Variants in SLC5A4 observed in about 807,000 individuals in gnomAD.
SLC5A4 encodes solute carrier family 5 member 4.
Under a neutral mutation model 70.3 loss-of-function variants are expected in SLC5A4, and 55 were observed. The ratio of observed to expected loss-of-function variants is 0.78; its 90% CI spans 0.63 to 0.98. The LOEUF is 0.98. SLC5A4 is among the 50% of genes least tolerant of loss of function. SLC5A4 has a pLI of 0.00. For synonymous variants in SLC5A4, 268 were observed against 305.7 expected (o/e 0.88, Z 1.29); for missense variants, 735 against 839.2 (o/e 0.88, Z 1.53).
the SLC5A4 span, among the ~76,000 whole-genome samples, chr22:32,324,746 A>G: frequency 6.6e-6 from 1 of 151,282 alleles, no homozygotes; most frequent in East Asian, 1.9e-4. Context: ...CAAGTCATTA[A>G]CCTCTCTGGG....
the SLC5A4 span, among the ~76,000 whole-genome samples, chr22:32,341,435 C>T: frequency 6.6e-6 from 1 of 152,340 alleles, no homozygotes; most frequent in Admixed American, 6.5e-5. Flanking sequence ...CTATGCTGCC[C>T]TCTCTGCCGG....
At chr22:32,307,065 G>GT in the SLC5A4 span, among the ~76,000 whole-genome samples, 6 of 152,094 alleles carry the variant, frequency 3.9e-5, no homozygotes, top group Non-Finnish European at 8.8e-5. Flanking sequence ...GTACCTCATT[G>GT]TACCAACCCA....
chr22:32,224,404 T>C lies in SLC5A4; in HGVS notation c.1528A>G (p.Ser510Gly). 1 of 1,614,018 alleles carries C rather than the reference T, an allele frequency of 6.2e-7. No individual in the cohort carries two copies. Among genetic ancestry groups the C allele is most frequent in the South Asian group, 1.1e-5 (1 of 91,074 alleles). Reference sequence around the variant, plus strand: ...GGACAGTTACTGGGAGCCAAGCAACTCCCTGTTCCATAAGCAAACTCTGTT... The same window carrying C: ...GGACAGTTACTGGGAGCCAAGCAACCCCCTGTTCCATAAGCAAACTCTGTT... ...MITEFAYGTG[S>G]CLAPSNCPKI... Residue 510 changes from serine to glycine, a missense_variant, in exon 13 of 15, where the codon AGT becomes GGT. Transcript: ENST00000266086.
the SLC5A4 span, among the ~76,000 whole-genome samples, chr22:32,307,302 G>A: frequency 6.6e-4 from 101 of 152,284 alleles, no homozygotes; most frequent in African/African-American, 2.3e-3. Flanking sequence ...CATTTATCTA[G>A]CATCAGCTGT....
chr22:32,268,860 G>A, the SLC5A4 span, among the ~76,000 whole-genome samples: 3 of 152,242 alleles, frequency 2.0e-5, no homozygotes, highest in East Asian at 5.8e-4. Flanking sequence ...ATAATAATTT[G>A]GGATATACAG....
intron 13 of SLC5A4, among the ~76,000 whole-genome samples, chr22:32,221,700 C>T (rs982943103): frequency 2.6e-5 from 4 of 151,800 alleles, no homozygotes; most frequent in Non-Finnish European, 5.9e-5. Flanking sequence ...AATATCAGCC[C>T]TGGGTCATTC....
At position 32,218,468 on chromosome 22, in the gene SLC5A4, G is replaced by A. The variant is rs772007706; in HGVS notation, c.*46C>T. ...TTAAAATCACTAAAATTATCCTTTG[G>A]TTCATTATTAAGAATTATTCATTAT... On this transcript the variant is annotated 3_prime_UTR_variant, in exon 15 of 15. Transcript: ENST00000266086. 12 of 736,792 alleles carry A rather than the reference G, an allele frequency of 1.6e-5. No individual in the cohort carries two copies. The African/African-American group carries it at 2.1e-4, about 13-fold the overall frequency. 45.6% of individuals were successfully genotyped at this position (736,792 alleles called of 1,614,324 possible).
chr22:32,265,377 G>A, the SLC5A4 span, among the ~76,000 whole-genome samples: 7 of 152,022 alleles, frequency 4.6e-5, no homozygotes, highest in Admixed American at 2.6e-4. Context: ...AACAGAGCAA[G>A]ACCCTGTCTC....
chr22:32,351,075 C>T, the SLC5A4 span, among the ~76,000 whole-genome samples: 2 of 151,962 alleles, frequency 1.3e-5, no homozygotes, highest in South Asian at 2.1e-4. Flanking sequence ...CCTGTTGCAA[C>T]GATGTGATGA....
At chr22:32,342,207 T>C in the SLC5A4 span, among the ~76,000 whole-genome samples, 1 of 152,234 alleles carries the variant, frequency 6.6e-6, no homozygotes, top group Non-Finnish European at 1.5e-5. Context: ...TTGCTTTAGA[T>C]GTAAGAACTG....
At chr22:32,319,778 C>G in the SLC5A4 span, among the ~76,000 whole-genome samples, 2 of 152,142 alleles carry the variant, frequency 1.3e-5, no homozygotes, top group Non-Finnish European at 2.9e-5. Context: ...AATGCATTAT[C>G]GCTGTCTAAA....
intron 5 of SLC5A4, among the ~76,000 whole-genome samples, chr22:32,245,984 C>T (rs1255153981): frequency 1.3e-5 from 2 of 152,240 alleles, no homozygotes; most frequent in African/African-American, 4.8e-5. Flanking sequence ...CTGGGGAATA[C>T]TTAAGTGCCC....
In SLC5A4 at chr22:32,254,122, G is replaced by A; in HGVS notation, c.207+20C>T. 6.2e-7 allele frequency: 1 copy of A among 1,602,686 alleles called. No individual in the cohort carries two copies. ...CACACACACAGGAAATTTATCTCCA[G>A]AAAACTTCGATCCACTTACCGGCCA... On this transcript the variant is annotated intron_variant, in intron 2 of 14. Coordinates refer to ENST00000266086, the MANE Select transcript of SLC5A4 (RefSeq NM_014227.3).
the SLC5A4 span, among the ~76,000 whole-genome samples, chr22:32,306,443 G>A: frequency 2.0e-5 from 3 of 148,506 alleles, no homozygotes; most frequent in Non-Finnish European, 4.4e-5. Context: ...TCCAGCCTGG[G>A]CGACAGAGCA....
chr22:32,246,228 A>G (rs1371510957), intron 5 of SLC5A4, among the ~76,000 whole-genome samples: 1 of 152,196 alleles, frequency 6.6e-6, no homozygotes. Flanking sequence ...AAGCTCAATA[A>G]TATGCAGTCA....
At chr22:32,285,879 G>A in the SLC5A4 span, among the ~76,000 whole-genome samples, 2 of 152,040 alleles carry the variant, frequency 1.3e-5, no homozygotes. Context: ...TGGGACTACA[G>A]GCGCCCGCTA....
the SLC5A4 span, among the ~76,000 whole-genome samples, chr22:32,320,276 G>T: frequency 1.3e-5 from 2 of 152,190 alleles, no homozygotes; most frequent in Admixed American, 6.5e-5. Flanking sequence ...TGGTGGGGGG[G>T]ATGCTGGGGT....
At chr22:32,316,528 C>CTT in the SLC5A4 span, among the ~76,000 whole-genome samples, 338 of 150,358 alleles carry the variant, frequency 2.2e-3, 1 homozygote, top group East Asian at 8.8e-3. Flanking sequence ...AGCATTAGTG[C>CTT]TTTTTTTTTA....
chr22:32,346,052 G>A, the SLC5A4 span, among the ~76,000 whole-genome samples: 1 of 152,142 alleles, frequency 6.6e-6, no homozygotes, highest in African/African-American at 2.4e-5. Flanking sequence ...ATACAGATCT[G>A]CTAGAGGTAG....
Sources: gnomAD v4.1 joint callset for allele counts (sites outside exome capture counted in the v4.1 genomes callset) on GRCh38, gnomAD v4.1.1 for gene constraint, MANE v1.5 for transcripts, NCBI Gene and HGNC (gene_info 2026-07-23, HGNC 2026-07-21) for gene names.